DTD1: variants seen among roughly 807,000 people sequenced by gnomAD.
DTD1 encodes D-aminoacyl-tRNA deacylase 1, also known as D-tyrosyl-tRNA deacylase 1 homolog.
Under a neutral mutation model 25.6 loss-of-function variants are expected in DTD1, and 13 were observed. The observed-to-expected ratio is 0.51, with a 90% CI of 0.33 to 0.81. DTD1 has a LOEUF of 0.81. DTD1 is among the 30% of genes least tolerant of loss of function. The pLI, the probability that DTD1 is intolerant of heterozygous loss-of-function variation, is 0.02. For missense variants in DTD1, 193 were observed against 266.4 expected (o/e 0.72, Z 1.92); for synonymous variants, 110 against 103.6 (o/e 1.06, Z -0.37).
intron 4 of DTD1, among the ~76,000 whole-genome samples, chr20:18,725,387 TGAGTC>T (rs1157239289): frequency 6.6e-6 from 1 of 152,210 alleles, no homozygotes; most frequent in East Asian, 1.9e-4. Context: ...CCCCAAGTCT[TGAGTC>T]GAGTCCCACC....
At chr20:18,724,638 G>A (rs1175087859) in intron 4 of DTD1, among the ~76,000 whole-genome samples, 8 of 152,188 alleles carry the variant, frequency 5.3e-5, no homozygotes, top group Admixed American at 5.2e-4. Flanking sequence ...CATAGTTTAT[G>A]TATCAAGTTT....
chr20:18,637,648 T>C (rs1422470609), intron 4 of DTD1, among the ~76,000 whole-genome samples: 2 of 152,154 alleles, frequency 1.3e-5, no homozygotes, highest in Admixed American at 1.3e-4. Flanking sequence ...GTGATCGACA[T>C]CTTAGCCTCT....
chr20:18,608,472 C>T (rs996578173), intron 3 of DTD1, among the ~76,000 whole-genome samples: 9 of 151,774 alleles, frequency 5.9e-5, no homozygotes, highest in African/African-American at 2.2e-4. Context: ...TTTGTTATTG[C>T]TTTTCTTCTG....
At chr20:18,629,816 A>G (rs1184266758) in intron 4 of DTD1, among the ~76,000 whole-genome samples, 2 of 152,068 alleles carry the variant, frequency 1.3e-5, no homozygotes, top group Non-Finnish European at 2.9e-5. Context: ...AAGCAGGCAC[A>G]TCTTCACATG....
At chr20:18,615,372 A>T (rs1025518054) in intron 3 of DTD1, among the ~76,000 whole-genome samples, 5 of 152,172 alleles carry the variant, frequency 3.3e-5, no homozygotes, top group Non-Finnish European at 7.3e-5. Flanking sequence ...CCCTCTACTG[A>T]GAATGAGCTA....
At chr20:18,639,624 C>G (rs1216612880) in intron 4 of DTD1, among the ~76,000 whole-genome samples, 1 of 152,144 alleles carries the variant, frequency 6.6e-6, no homozygotes. Flanking sequence ...CTCACTAGCT[C>G]CACCATCGCA....
At chr20:18,654,024 G>T (rs1280536325) in intron 4 of DTD1, among the ~76,000 whole-genome samples, 4 of 152,126 alleles carry the variant, frequency 2.6e-5, no homozygotes, top group African/African-American at 9.7e-5. Flanking sequence ...ATTTTTTTCT[G>T]ACTGAACTTC....
intron 1 of DTD1, among the ~76,000 whole-genome samples, chr20:18,589,662 C>T (rs6075373): frequency 0.59 from 90,267 of 152,012 alleles, 27,116 homozygotes; most frequent in Middle Eastern, 0.65. Flanking sequence ...TTGAGAAGAA[C>T]CTTGCAGTCT....
chr20:18,757,382 C>T (rs1030341242), intron 5 of DTD1, among the ~76,000 whole-genome samples: 3 of 152,140 alleles, frequency 2.0e-5, no homozygotes, highest in Admixed American at 2.0e-4. Context: ...AGTTTTTGCC[C>T]ATTCAGTATG....
intron 4 of DTD1, among the ~76,000 whole-genome samples, chr20:18,708,229 ATT>A (rs56164923): frequency 0.066 from 327 of 4,984 alleles, 13 homozygotes; most frequent in Admixed American, 0.22. Context: ...ATATATATAT[ATT>A]TTATATATAT....
chr20:18,749,251 C>A lies in DTD1; in HGVS notation c.*19+4980C>A, dbSNP rs1246350108. ...GAGAGCAGTGCAGGTGGCTCCAGGGCTCCAGGAGGCAGCTGCAGCCCAGTG... is the reference window on the plus strand; with the variant it reads ...GAGAGCAGTGCAGGTGGCTCCAGGGATCCAGGAGGCAGCTGCAGCCCAGTG... On this transcript the variant is annotated intron_variant, in intron 5 of 5. Transcript: ENST00000377452. The surrounding 1 kb of genome is among the most constrained non-coding windows in gnomAD (Gnocchi z 4.2). Among the ~76,000 whole-genome samples the A allele has an allele frequency of 2.0e-5, 3 of 152,268 alleles. No individual in the cohort carries two copies. The highest frequency in any genetic ancestry group is 3.9e-4 in the East Asian group (2 of 5,184).
intron 4 of DTD1, among the ~76,000 whole-genome samples, chr20:18,703,771 A>G (rs1159677539): frequency 1.3e-5 from 2 of 150,232 alleles, no homozygotes; most frequent in East Asian, 2.0e-4. Context: ...TTTTAGGGGT[A>G]TTATGTTTTC....
At chr20:18,663,408 T>G (rs1340212647) in intron 4 of DTD1, among the ~76,000 whole-genome samples, 1 of 152,162 alleles carries the variant, frequency 6.6e-6, no homozygotes, top group Non-Finnish European at 1.5e-5. Context: ...AGTACTTTGA[T>G]CTATGTTCTT....
chr20:18,741,868 ATGTGCCACCACG>A lies in DTD1; in HGVS notation c.478-2231_478-2220del, dbSNP rs1370142517. Among the ~76,000 whole-genome samples, 11 of 148,886 alleles carry A rather than the reference ATGTGCCACCACG, an allele frequency of 7.4e-5. No individual in the cohort carries two copies. The Admixed American group carries it at 7.4e-4, about 10-fold the overall frequency. On this transcript the variant is annotated intron_variant, in intron 4 of 5. Transcript: ENST00000377452. The stretch of plus-strand genomic sequence containing the variant: ...CTCCCCAGTAGCTGGGACTACAGGC[ATGTGCCACCACG>A]CCTGGCTAACCTTTGTATTTTTTTT...
rs544328330 is a variant in DTD1 at position 18,629,459 on chromosome 20, CT to C, written c.477+1227del. Among the ~76,000 whole-genome samples the C allele has an allele frequency of 4.6e-5, 7 of 151,910 alleles. No individual in the cohort carries two copies. In the South Asian group the frequency reaches 1.5e-3, roughly 32 times the overall value. The stretch of plus-strand genomic sequence containing the variant: ...GGGACTACAGGCATACGCTACCATG[CT>C]GGGCTAATTTTTGAATTTGTGTAGA... On this transcript the variant is annotated intron_variant, in intron 4 of 5. Coordinates refer to ENST00000377452, the MANE Select transcript of DTD1 (RefSeq NM_080820.6).
intron 4 of DTD1, among the ~76,000 whole-genome samples, chr20:18,711,347 C>T (rs2061157852): frequency 1.3e-5 from 2 of 152,174 alleles, no homozygotes; most frequent in Admixed American, 1.3e-4. Context: ...ATCTCCTTTA[C>T]TCAGGAAGTC....
chr20:18,756,363 T>G (rs36171942), intron 5 of DTD1, among the ~76,000 whole-genome samples: 5,537 of 152,140 alleles, frequency 0.036, 211 homozygotes, highest in African/African-American at 0.09. Flanking sequence ...TGTCCTGAAT[T>G]GTATTGCCTA....
intron 5 of DTD1, among the ~76,000 whole-genome samples, chr20:18,750,691 A>G (rs747006939): frequency 6.6e-6 from 1 of 152,130 alleles, no homozygotes; most frequent in African/African-American, 2.4e-5. Flanking sequence ...CTCTGTCTCA[A>G]TCCTTCGGGC....
chr20:18,638,080 G>A (rs1487388706), intron 4 of DTD1, among the ~76,000 whole-genome samples: 7 of 152,152 alleles, frequency 4.6e-5, no homozygotes, highest in Admixed American at 4.6e-4. Flanking sequence ...TAGTGGTAAT[G>A]CCCTTGAATA....
Sources: allele counts gnomAD v4.1 joint callset (sites outside exome capture counted in the v4.1 genomes callset), GRCh38; gene constraint gnomAD v4.1.1; non-coding constraint Gnocchi (gnomAD v3.1); transcripts MANE v1.5; gene names NCBI Gene and HGNC (gene_info 2026-07-23, HGNC 2026-07-21).